ACAP2: variants seen among roughly 807,000 people sequenced by gnomAD.
ACAP2 encodes ArfGAP with coiled-coil, ankyrin repeat and PH domains 2, also known as arf-GAP with coiled-coil, ANK repeat and PH domain-containing protein 2.
In ACAP2, 39 loss-of-function variants were observed where a neutral mutation model predicts 115.8. The ratio of observed to expected loss-of-function variants is 0.34; its 90% CI spans 0.26 to 0.44. ACAP2 has a LOEUF of 0.44. Among genes scored for constraint, ACAP2 ranks in the 20% least tolerant of loss-of-function variants. ACAP2 has a pLI of 1.00. For synonymous variants in ACAP2, 289 were observed against 315.8 expected (o/e 0.92, Z 0.90); for missense variants, 662 against 927.6 (o/e 0.71, Z 3.72).
chr3:195,382,800 A>G (rs1284248028), intron 2 of ACAP2, among the ~76,000 whole-genome samples: 2 of 152,042 alleles, frequency 1.3e-5, no homozygotes, highest in African/African-American at 4.8e-5. Context: ...CTGCTCTCAA[A>G]AACTCTAATT....
intron 4 of ACAP2, among the ~76,000 whole-genome samples, chr3:195,369,109 G>C (rs1482045419): frequency 6.6e-6 from 1 of 150,458 alleles, no homozygotes; most frequent in Non-Finnish European, 1.5e-5. Context: ...AAAAAAAAAA[G>C]AGGAAGAAAT....
At chr3:195,334,787 A>G (rs891311772) in intron 7 of ACAP2, among the ~76,000 whole-genome samples, 4 of 152,186 alleles carry the variant, frequency 2.6e-5, no homozygotes, top group Non-Finnish European at 5.9e-5. Context: ...AAATTTGATG[A>G]TATTTTTCTA....
In ACAP2 at chr3:195,307,242, C is replaced by G; in HGVS notation, c.991G>C (p.Glu331Gln). The part of the protein sequence containing the change: ...CEDIERRFCF[E>Q]VVSPTKSCML... ...ACTTACTTTGTTGGCGAGACCACCT[C>G]AAAGCAGAATCGTCGCTCTATGTCT... Residue 331 changes from glutamate to glutamine, a missense_variant, in exon 12 of 23, where the codon GAG (glutamate) becomes CAG (glutamine). Glu to Gln is a conservative substitution (Grantham distance 29, BLOSUM62 2). This residue lies in a region of ACAP2 where 401 missense variants were observed against 604.4 expected (regional missense o/e 0.66). Coordinates refer to ENST00000326793, the MANE Select transcript of ACAP2 (RefSeq NM_012287.6). The G allele has an allele frequency of 6.2e-7, 1 of 1,613,402 alleles. No homozygotes were observed. Among genetic ancestry groups the G allele is most frequent in the South Asian group, 1.1e-5 (1 of 91,028 alleles).
chr3:195,331,026 T>A (rs531770830), intron 8 of ACAP2, among the ~76,000 whole-genome samples: 113 of 152,258 alleles, frequency 7.4e-4, no homozygotes, highest in African/African-American at 2.5e-3. Flanking sequence ...ATAAGAGAAA[T>A]AAAACTCTTT....
intron 8 of ACAP2, among the ~76,000 whole-genome samples, chr3:195,328,414 A>T (rs188648900): frequency 6.6e-6 from 1 of 152,322 alleles, no homozygotes; most frequent in East Asian, 1.9e-4. Flanking sequence ...AGTAATAAAG[A>T]TTAACCAAAA....
chr3:195,341,376 G>C (rs963046159), intron 6 of ACAP2, among the ~76,000 whole-genome samples: 4 of 144,040 alleles, frequency 2.8e-5, no homozygotes, highest in African/African-American at 1.0e-4. Flanking sequence ...CCAGGCTGGA[G>C]TGCAGTGGTG....
chr3:195,393,880 A>C (rs1458916030), intron 1 of ACAP2, among the ~76,000 whole-genome samples: 1 of 95,186 alleles, frequency 1.1e-5, no homozygotes, highest in East Asian at 9.7e-4. Context: ...ATAGAGTATT[A>C]TATTGGGGGG....
At chr3:195,422,988 G>T (rs1714306491) in intron 1 of ACAP2, among the ~76,000 whole-genome samples, 1 of 152,088 alleles carries the variant, frequency 6.6e-6, no homozygotes, top group South Asian at 2.1e-4. Context: ...CATGAACCTT[G>T]ATGGAATACT....
chr3:195,430,540 C>T (rs1429373463), intron 1 of ACAP2, among the ~76,000 whole-genome samples: 1 of 152,064 alleles, frequency 6.6e-6, no homozygotes, highest in Non-Finnish European at 1.5e-5. Context: ...CATGGCGAAA[C>T]CTCATCTGTA....
intron 10 of ACAP2, among the ~76,000 whole-genome samples, chr3:195,316,893 ATTTTTTT>A (rs60184290): frequency 1.9e-4 from 10 of 53,828 alleles, no homozygotes; most frequent in Non-Finnish European, 2.3e-4. Flanking sequence ...ATGTCAGTGA[ATTTTTTT>A]TTTTTTTTTT....
At chr3:195,434,244 G>GT (rs1185548164) in intron 1 of ACAP2, among the ~76,000 whole-genome samples, 1 of 149,344 alleles carries the variant, frequency 6.7e-6, no homozygotes, top group African/African-American at 2.5e-5. Context: ...TTGTTTTTTT[G>GT]TTTTTTGAGA....
intron 4 of ACAP2, among the ~76,000 whole-genome samples, chr3:195,352,475 A>G (rs1167052489): frequency 6.6e-6 from 1 of 152,262 alleles, no homozygotes; most frequent in African/African-American, 2.4e-5. Flanking sequence ...TAAAAATAGT[A>G]AACATTTAAG....
intron 9 of ACAP2, among the ~76,000 whole-genome samples, chr3:195,324,315 T>A (rs1729635701): frequency 6.6e-6 from 1 of 152,084 alleles, no homozygotes; most frequent in African/African-American, 2.4e-5. Flanking sequence ...CTCACATATA[T>A]GGAAATGTGA....
At chr3:195,405,740 T>C (rs1037567776) in intron 1 of ACAP2, among the ~76,000 whole-genome samples, 1 of 151,718 alleles carries the variant, frequency 6.6e-6, no homozygotes, top group African/African-American at 2.4e-5. Flanking sequence ...AGAGGTTTAA[T>C]TGGCTCATGG....
intron 13 of ACAP2, 31 bp downstream of exon 13, chr3:195,306,480 A>G: frequency 6.9e-7 from 1 of 1,450,908 alleles, no homozygotes; most frequent in Non-Finnish European, 9.4e-7. Flanking sequence ...TTGGCAATAT[A>G]TTATCTGGTA....
At chr3:195,434,094 A>C (rs1373716740) in intron 1 of ACAP2, among the ~76,000 whole-genome samples, 1 of 152,010 alleles carries the variant, frequency 6.6e-6, no homozygotes, top group East Asian at 1.9e-4. Flanking sequence ...ACACACAACT[A>C]ATTTTTAATT....
At chr3:195,368,457 T>A (rs560711601) in intron 4 of ACAP2, among the ~76,000 whole-genome samples, 1 of 152,338 alleles carries the variant, frequency 6.6e-6, no homozygotes, top group South Asian at 2.1e-4. Context: ...TTGTTAAATT[T>A]CTGAATGTAG....
At chr3:195,289,663 G>A (rs112861509) in intron 20 of ACAP2, among the ~76,000 whole-genome samples, 2 of 151,554 alleles carry the variant, frequency 1.3e-5, no homozygotes, top group Admixed American at 6.6e-5. Flanking sequence ...AAACATAGCC[G>A]GGTGTGGTGG....
chr3:195,300,897 G>A (rs948044845), intron 15 of ACAP2, among the ~76,000 whole-genome samples: 2 of 152,016 alleles, frequency 1.3e-5, no homozygotes, highest in African/African-American at 4.8e-5. Flanking sequence ...TGCATCTGTG[G>A]TGTCAATTGC....
Sources: gnomAD v4.1 joint callset for allele counts (sites outside exome capture counted in the v4.1 genomes callset) on GRCh38, gnomAD v4.1.1 for gene constraint, gnomAD v4.1.1 regional missense constraint, MANE v1.5 for transcripts, NCBI Gene and HGNC (gene_info 2026-07-23, HGNC 2026-07-21) for gene names.